Variants in RIMS1 observed in about 807,000 individuals in gnomAD.
RIMS1 encodes the protein regulating synaptic membrane exocytosis protein 1.
A neutral mutation model predicts 214.1 loss-of-function variants in RIMS1; 83 were observed. That is an observed-to-expected ratio of 0.39 (90% CI 0.32 to 0.47). The LOEUF (loss-of-function observed/expected upper bound fraction) is 0.47. Ranked by LOEUF, RIMS1 falls within the 20% of genes least tolerant of loss-of-function variation. The probability of loss-of-function intolerance (pLI) is 0.99; values close to 1 mark genes in which losing one functional copy is unlikely to be tolerated. For synonymous variants in RIMS1, 793 were observed against 786.8 expected (o/e 1.01, Z -0.13); for missense variants, 2,050 against 2,161.8 (o/e 0.95, Z 1.03).
intron 1 of RIMS1, among the ~76,000 whole-genome samples, chr6:71,911,442 G>A (rs1776892754): frequency 6.6e-6 from 1 of 152,028 alleles, no homozygotes; most frequent in Non-Finnish European, 1.5e-5. Context: ...TCATGCATAT[G>A]GTTAAATTCT....
intron 6 of RIMS1, among the ~76,000 whole-genome samples, chr6:72,186,496 A>T (rs1287648388): frequency 6.6e-6 from 1 of 152,212 alleles, no homozygotes; most frequent in Non-Finnish European, 1.5e-5. Context: ...GTTTCAATGT[A>T]ATATTAAAAT....
chr6:72,224,707 A>G (rs1160944702), intron 6 of RIMS1, among the ~76,000 whole-genome samples: 4 of 152,172 alleles, frequency 2.6e-5, no homozygotes, highest in Admixed American at 6.5e-5. Context: ...TGTATATACA[A>G]TCTATATGGA....
intron 4 of RIMS1, among the ~76,000 whole-genome samples, chr6:72,178,357 A>G (rs577989965): frequency 6.6e-6 from 1 of 151,760 alleles, no homozygotes; most frequent in African/African-American, 2.4e-5. Flanking sequence ...GTTTTTCCCC[A>G]TTTATCTGAA....
At chr6:72,159,707 C>T (rs1338456168) in intron 4 of RIMS1, among the ~76,000 whole-genome samples, 1 of 139,706 alleles carries the variant, frequency 7.2e-6, no homozygotes, top group African/African-American at 2.5e-5. Flanking sequence ...TGTAGATAGG[C>T]AGCATTATTT....
At chr6:72,160,752 A>G (rs896996964) in intron 4 of RIMS1, among the ~76,000 whole-genome samples, 3 of 140,630 alleles carry the variant, frequency 2.1e-5, no homozygotes, top group African/African-American at 7.4e-5. Flanking sequence ...CATGGTGGGT[A>G]AGTTTTTTGA....
chr6:72,224,711 A>G (rs920665378), intron 6 of RIMS1, among the ~76,000 whole-genome samples: 1 of 152,170 alleles, frequency 6.6e-6, no homozygotes, highest in Non-Finnish European at 1.5e-5. Context: ...TATACAATCT[A>G]TATGGATTTG....
intron 4 of RIMS1, among the ~76,000 whole-genome samples, chr6:72,112,391 T>C (rs2153821160): frequency 6.6e-6 from 1 of 152,178 alleles, no homozygotes; most frequent in East Asian, 1.9e-4. Flanking sequence ...GACCATGCCA[T>C]GTACATCTCT....
At chr6:72,369,308 G>T (rs760233716) in intron 29 of RIMS1, among the ~76,000 whole-genome samples, 56 of 152,060 alleles carry the variant, frequency 3.7e-4, no homozygotes, top group Non-Finnish European at 6.3e-4. Context: ...AGAGGATAGT[G>T]AGTGATAGAG....
intron 2 of RIMS1, among the ~76,000 whole-genome samples, chr6:71,999,880 T>C (rs983860462): frequency 6.6e-6 from 1 of 152,306 alleles, no homozygotes; most frequent in South Asian, 2.1e-4. Flanking sequence ...TCATAATTTC[T>C]TCCAGTTCCT....
chr6:71,931,726 G>T (rs931235434), intron 1 of RIMS1, among the ~76,000 whole-genome samples: 1 of 151,566 alleles, frequency 6.6e-6, no homozygotes, highest in African/African-American at 2.4e-5. Flanking sequence ...AGTTTCTTTT[G>T]CTGTGAAGAA....
chr6:72,343,425 A>G (rs2096772003), intron 29 of RIMS1, among the ~76,000 whole-genome samples: 1 of 148,226 alleles, frequency 6.7e-6, no homozygotes. Flanking sequence ...ATTCTTATCT[A>G]TTAATATTGT....
In RIMS1 at chr6:72,123,146, T is replaced by G. The variant is rs148044121; in HGVS notation, c.471+23160T>G. Among the ~76,000 whole-genome samples, 1,170 of 151,996 alleles carry G rather than the reference T, an allele frequency of 7.7e-3. 24 individuals carry two copies. Among genetic ancestry groups the G allele is most frequent in the African/African-American group, 0.027 (1,114 of 41,542 alleles). On this transcript the variant is annotated intron_variant, in intron 4 of 33. Transcript: ENST00000521978. ...TTCCCTCTACACACTGCTTTAAATG[T>G]ATCCCAGAGATTATGATATGTTGTG...
In RIMS1 at chr6:72,263,003, G is replaced by A. The variant is rs141158760; in HGVS notation, c.3117-1972G>A. The A allele has an allele frequency of 5.3e-4, 369 of 691,568 alleles. 2 individuals carry two copies. The African/African-American group carries it at 5.5e-3, about 10-fold the overall frequency. The allele number at this position is 691,568 out of a possible 1,614,324, so 42.8% of individuals were successfully genotyped here. A position where few individuals can be genotyped will look rare whatever the true frequency, so the allele number is the denominator to read the frequency against. ...TTTTAGAGATGAGGAAAAAAGCTAC[G>A]AAAGTTTATTTTACGACTAATAGAG... On this transcript the variant is annotated intron_variant, in intron 19 of 33. Coordinates refer to ENST00000521978, the MANE Select transcript of RIMS1 (RefSeq NM_014989.7).
At chr6:71,956,260 G>T (rs1318787553) in intron 1 of RIMS1, among the ~76,000 whole-genome samples, 1 of 152,104 alleles carries the variant, frequency 6.6e-6, no homozygotes, top group Non-Finnish European at 1.5e-5. Context: ...TAAGATTGTT[G>T]TATTGTTAGG....
At chr6:72,042,302 C>T (rs1271295983) in intron 2 of RIMS1, among the ~76,000 whole-genome samples, 2 of 151,788 alleles carry the variant, frequency 1.3e-5, no homozygotes, top group African/African-American at 2.4e-5. Context: ...TGGAGAAAGG[C>T]TATGGCAACA....
At chr6:72,099,657 G>A (rs902321153) in intron 3 of RIMS1, among the ~76,000 whole-genome samples, 4 of 152,006 alleles carry the variant, frequency 2.6e-5, no homozygotes, top group African/African-American at 9.7e-5. Flanking sequence ...ATGTGGTAGT[G>A]AATTAACCTT....
At position 72,280,864 on chromosome 6, in the gene RIMS1, C is replaced by CA. The variant is rs371802888; in HGVS notation, c.3483-3177dup. Among the ~76,000 whole-genome samples the CA allele has an allele frequency of 1.1e-4, 17 of 152,020 alleles. No homozygotes were observed. The East Asian group carries it at 3.3e-3, about 29-fold the overall frequency. On this transcript the variant is annotated intron_variant, in intron 23 of 33. Transcript: ENST00000521978. ...CACCACTTGCTAATTCCAAGTAATG[C>CA]AAAAAACATAGTCAATTCTAGTTCT...
intron 15 of RIMS1, among the ~76,000 whole-genome samples, chr6:72,251,614 G>A (rs1475928824): frequency 6.6e-6 from 1 of 152,130 alleles, no homozygotes; most frequent in East Asian, 1.9e-4. Context: ...TTCTTGCACA[G>A]GGCCAATTGA....
intron 1 of RIMS1, among the ~76,000 whole-genome samples, chr6:71,931,947 A>G (rs1384100014): frequency 6.6e-6 from 1 of 152,102 alleles, no homozygotes; most frequent in Non-Finnish European, 1.5e-5. Context: ...CACCAGTCAG[A>G]ATGGCTATTA....
Sources: allele counts gnomAD v4.1 joint callset (sites outside exome capture counted in the v4.1 genomes callset), GRCh38; gene constraint gnomAD v4.1.1; transcripts MANE v1.5; gene names NCBI Gene and HGNC (gene_info 2026-07-23, HGNC 2026-07-21).